ZBBX: variants seen among roughly 807,000 people sequenced by gnomAD.
ZBBX encodes the protein zinc finger B-box domain containing.
Under a neutral mutation model 108.5 loss-of-function variants are expected in ZBBX, and 101 were observed. The observed-to-expected ratio is 0.93, with a 90% CI of 0.79 to 1.10. The LOEUF (loss-of-function observed/expected upper bound fraction) is 1.10. Among genes scored for constraint, ZBBX ranks in the 50% least tolerant of loss-of-function variants. The pLI is 0.00. For missense variants in ZBBX, 1,009 were observed against 941.4 expected (o/e 1.07, Z -0.94); for synonymous variants, 356 against 323.4 (o/e 1.10, Z -1.08).
intron 2 of ZBBX, among the ~76,000 whole-genome samples, chr3:167,379,072 A>AT (rs371881187): frequency 2.0e-5 from 3 of 152,088 alleles, no homozygotes; most frequent in South Asian, 4.2e-4. Context: ...TAAGTATGTA[A>AT]TTTTTTTTCT....
Position 167,243,294 on chromosome 3 carries a change from C to T in ZBBX, c.2255-651G>A, listed in dbSNP as rs113997087. ...ATATCATTGTATATTAGAAAGGCTA[C>T]AATGCCTTCTTTTTTCACTGCTGAA... On this transcript the variant is annotated intron_variant, in intron 20 of 21. Coordinates refer to ENST00000675490, the MANE Select transcript of ZBBX (RefSeq NM_001199201.2). Among the ~76,000 whole-genome samples, 1,360 of 152,246 alleles carry T rather than the reference C, an allele frequency of 8.9e-3. 28 individuals carry two copies. The highest frequency in any genetic ancestry group is 0.031 in the African/African-American group (1,283 of 41,536).
Position 167,242,580 on chromosome 3 carries a change from A to G in ZBBX, c.2318T>C (p.Leu773Pro), listed in dbSNP as rs545786776. The G allele has an allele frequency of 1.2e-6, 2 of 1,613,650 alleles. No homozygotes were observed. Among genetic ancestry groups the G allele is most frequent in the Non-Finnish European group, 1.7e-6 (2 of 1,179,830 alleles). ...EEFPDFSSQSLNISQISTDFL... is the reference protein window; with the variant it reads ...EEFPDFSSQSPNISQISTDFL... ...ATCTGTGGAAATCTGACTTATATTC[A>G]GTGATTGGCTGCTGAAATCTGGGAA... The change falls in exon 21 of 22, where the codon CTG (leucine) becomes CCG (proline). Residue 773 changes from leucine to proline, a missense_variant. Transcript: ENST00000675490.
At chr3:167,217,964 C>T in the ZBBX span, among the ~76,000 whole-genome samples, 1 of 150,004 alleles carries the variant, frequency 6.7e-6, no homozygotes, top group Non-Finnish European at 1.5e-5. Flanking sequence ...AGGATGGTCT[C>T]AATCTCTTGA....
the ZBBX span, among the ~76,000 whole-genome samples, chr3:167,201,397 C>A: frequency 2.6e-5 from 4 of 151,952 alleles, no homozygotes; most frequent in African/African-American, 9.6e-5. Context: ...TCCTTCTTTC[C>A]ACATACTAAA....
intron 2 of ZBBX, among the ~76,000 whole-genome samples, chr3:167,374,960 GA>G (rs1474974080): frequency 2.6e-5 from 4 of 151,896 alleles, no homozygotes; most frequent in East Asian, 1.9e-4. Flanking sequence ...TTACGTGGAA[GA>G]AAAAAAATAA....
chr3:167,205,621 T>C, the ZBBX span, among the ~76,000 whole-genome samples: 4 of 152,184 alleles, frequency 2.6e-5, no homozygotes, highest in African/African-American at 9.7e-5. Flanking sequence ...TAGATAGTTT[T>C]ACTCTTTCAG....
Position 167,306,797 on chromosome 3 carries a change from A to G in ZBBX, c.1418-847T>C, listed in dbSNP as rs377557253. 2.2e-4 allele frequency among the ~76,000 whole-genome samples: 33 copies of G among 152,318 alleles called. 1 individual carries two copies. The highest frequency in any genetic ancestry group is 1.7e-3 in the East Asian group (9 of 5,188). On this transcript the variant is annotated intron_variant, in intron 16 of 21. Transcript: ENST00000675490. ...TTTAAATAAATGTACACCATTATCCAGACTGAATATAGCTTCTTCTGGTTA... is the reference window on the plus strand; with the variant it reads ...TTTAAATAAATGTACACCATTATCCGGACTGAATATAGCTTCTTCTGGTTA...
At chr3:167,400,398 C>T (rs866064847) in intron 1 of ZBBX, among the ~76,000 whole-genome samples, 1 of 152,094 alleles carries the variant, frequency 6.6e-6, no homozygotes, top group Non-Finnish European at 1.5e-5. Context: ...AATAGGCATT[C>T]TTACTTATGT....
chr3:167,378,295 T>C (rs771147083), intron 2 of ZBBX, among the ~76,000 whole-genome samples: 3 of 152,232 alleles, frequency 2.0e-5, no homozygotes, highest in Non-Finnish European at 2.9e-5. Flanking sequence ...CCATTTTTTA[T>C]GCTCTATAGG....
the ZBBX span, among the ~76,000 whole-genome samples, chr3:167,217,937 C>T: frequency 0.014 from 1,999 of 147,982 alleles, 21 homozygotes; most frequent in South Asian, 0.026. Flanking sequence ...GTCGCCCAGG[C>T]TGGAGTGCAG....
In ZBBX at chr3:167,394,427, AT is replaced by A. The variant is rs1158927878; in HGVS notation, c.-446+13298del. On this transcript the variant is annotated intron_variant, in intron 1 of 21. Coordinates refer to the ZBBX transcript ENST00000455345. ...CACATGCATATGGACACAATTTAGG[AT>A]TTAATAATCTTGACAAAGAATACAG... 6.6e-5 allele frequency among the ~76,000 whole-genome samples: 10 copies of A among 152,088 alleles called. 1 individual carries two copies. The South Asian group carries it at 1.7e-3, about 25-fold the overall frequency.
intron 20 of ZBBX, among the ~76,000 whole-genome samples, chr3:167,273,769 C>A (rs1726969433): frequency 6.6e-6 from 1 of 152,106 alleles, no homozygotes. Flanking sequence ...AAACACAACG[C>A]CACAAAATAA....
intron 6 of ZBBX, among the ~76,000 whole-genome samples, chr3:167,363,762 A>C (rs1744907080): frequency 6.6e-6 from 1 of 152,102 alleles, no homozygotes; most frequent in African/African-American, 2.4e-5. Context: ...TGCTGGCTGC[A>C]ACAATAGTCT....
chr3:167,267,306 G>A (rs770746109), intron 20 of ZBBX, among the ~76,000 whole-genome samples: 1 of 152,130 alleles, frequency 6.6e-6, no homozygotes, highest in Non-Finnish European at 1.5e-5. Context: ...CCTTCAGCAG[G>A]TAGGGCTAAA....
At chr3:167,359,527 C>A (rs1744166991) in intron 8 of ZBBX, among the ~76,000 whole-genome samples, 1 of 151,964 alleles carries the variant, frequency 6.6e-6, no homozygotes, top group Non-Finnish European at 1.5e-5. Context: ...GCTTGGAGGT[C>A]AAAAAGAATT....
chr3:167,294,340 A>G (rs928055793), intron 18 of ZBBX, among the ~76,000 whole-genome samples: 1 of 152,196 alleles, frequency 6.6e-6, no homozygotes, highest in Admixed American at 6.5e-5. Flanking sequence ...TACTGGTACC[A>G]AAACAGATAT....
At chr3:167,328,825 G>A (rs920537846) in intron 10 of ZBBX, among the ~76,000 whole-genome samples, 1 of 152,094 alleles carries the variant, frequency 6.6e-6, no homozygotes, top group South Asian at 2.1e-4. Context: ...TACTCAGAGA[G>A]TTCCTCACTA....
rs1735511577 is a variant in ZBBX at position 167,316,632 on chromosome 3, C to T, written c.1194+373G>A. Among the ~76,000 whole-genome samples the T allele has an allele frequency of 1.3e-5, 2 of 151,984 alleles. 1 individual carries two copies. The highest frequency in any genetic ancestry group is 4.1e-4 in the South Asian group (2 of 4,828). On this transcript the variant is annotated intron_variant, in intron 14 of 21. Transcript: ENST00000675490. ...AATGACATTCAAGAAACTAAATTTA[C>T]ACTTATATTTTAATAGGTACCATGT...
intron 2 of ZBBX, among the ~76,000 whole-genome samples, chr3:167,374,844 G>C (rs1427389991): frequency 6.6e-6 from 1 of 152,110 alleles, no homozygotes; most frequent in African/African-American, 2.4e-5. Flanking sequence ...AAGGAGAAAG[G>C]AGGCTTACAG....
Sources: allele counts gnomAD v4.1 joint callset (sites outside exome capture counted in the v4.1 genomes callset), GRCh38; gene constraint gnomAD v4.1.1; transcripts MANE v1.5; gene names NCBI Gene and HGNC (gene_info 2026-07-23, HGNC 2026-07-21).